CASKIN1: variants seen among roughly 807,000 people sequenced by gnomAD.
CASKIN1 encodes the protein caskin-1.
Under a neutral mutation model 117.5 loss-of-function variants are expected in CASKIN1, and 42 were observed. The observed-to-expected ratio is 0.36, with a 90% CI of 0.28 to 0.46. CASKIN1 has a LOEUF of 0.46. Among genes scored for constraint, CASKIN1 ranks in the 20% least tolerant of loss-of-function variants. CASKIN1 has a pLI of 1.00. For missense variants in CASKIN1, 2,083 were observed against 2,077.3 expected (o/e 1.00, Z -0.05); for synonymous variants, 1,148 against 961.7 (o/e 1.19, Z -3.59).
In CASKIN1 at chr16:2,181,560, G is replaced by A; in HGVS notation, c.1808C>T (p.Ala603Val). 1.3e-6 allele frequency: 2 copies of A among 1,584,068 alleles called. No individual in the cohort carries two copies. Among genetic ancestry groups the A allele is most frequent in the South Asian group, 1.1e-5 (1 of 87,926 alleles). The change falls in exon 18 of 20, where the codon GCA becomes GTA. Residue 603 changes from alanine (A) to valine (V), a missense_variant. Ala to Val is a moderately conservative substitution (Grantham distance 64). Around this residue, in one of 3 missense-constraint regions of CASKIN1, gnomAD observed 1,818 missense variants for 1,688.9 expected, o/e 1.08. Transcript: ENST00000343516. ...GGCGTATTCAGCCTTCTGCAGCTCT[G>A]CCAGCTTCCTCACAGCGAGCATCAG... Reference protein sequence around the residue: ...KKLMLAVRKLAELQKAEYAKY... With the variant: ...KKLMLAVRKLVELQKAEYAKY...
intron 14 of CASKIN1, among the ~76,000 whole-genome samples, chr16:2,184,256 C>G (rs1237173685): frequency 1.3e-5 from 2 of 152,078 alleles, no homozygotes; most frequent in African/African-American, 4.8e-5. Context: ...CAGGGACGCC[C>G]CACGCCATCT....
Position 2,180,991 on chromosome 16 carries a change from C to T in CASKIN1, c.2377G>A (p.Gly793Arg), listed in dbSNP as rs2093165870. The change falls in exon 18 of 20, where the codon GGA (glycine) becomes AGA (arginine). Residue 793 changes from glycine (G) to arginine (R), a missense_variant. Around this residue, in one of 3 missense-constraint regions of CASKIN1, gnomAD observed 1,818 missense variants for 1,688.9 expected, o/e 1.08. Coordinates refer to ENST00000343516, the MANE Select transcript of CASKIN1 (RefSeq NM_020764.4). Reference sequence around the variant, plus strand: ...GTAGCTGGGGCTGGACCATGAGGTCCCCCAAGGGCCTGGGGAGAGCCTGGT... The same window carrying T: ...GTAGCTGGGGCTGGACCATGAGGTCTCCCAAGGGCCTGGGGAGAGCCTGGT... ...TRPGSPQALG[G>R]PHGPAPATAK... is the part of the protein sequence containing the mutation. 1 of 1,474,432 alleles carries T rather than the reference C, an allele frequency of 6.8e-7. No individual in the cohort carries two copies. Among genetic ancestry groups the T allele is most frequent in the Admixed American group, 2.7e-5 (1 of 36,814 alleles). The allele number at this position is 1,474,432 out of a possible 1,614,324, so 91.3% of individuals were successfully genotyped here.
chr16:2,190,493 G>A (rs911160472), intron 1 of CASKIN1, 135 bp from the exon 2 acceptor site: 7 of 774,434 alleles, frequency 9.0e-6, no homozygotes, highest in African/African-American at 1.7e-5. Context: ...ACACTCACTC[G>A]TCCACTCGTG....
chr16:2,188,605 C>T (rs2093191732), intron 6 of CASKIN1, among the ~76,000 whole-genome samples: 1 of 152,202 alleles, frequency 6.6e-6, no homozygotes, highest in South Asian at 2.1e-4. Context: ...CCCTCCTTGG[C>T]CTCCCAAAGT....
intron 9 of CASKIN1, 57 bp from the exon 10 acceptor site, chr16:2,186,881 C>T: frequency 3.7e-6 from 6 of 1,602,996 alleles, no homozygotes; most frequent in Admixed American, 3.3e-5. Flanking sequence ...GAGTCTCCTG[C>T]CCAGTGCCCC....
intron 3 of CASKIN1, among the ~76,000 whole-genome samples, chr16:2,189,867 A>T (rs1345311515): frequency 6.6e-6 from 1 of 151,902 alleles, no homozygotes; most frequent in African/African-American, 2.4e-5. Flanking sequence ...CCCCAAGCCC[A>T]ACCCTGTGGG....
intron 13 of CASKIN1, 22 bp from the exon 14 acceptor site, chr16:2,184,890 G>T: frequency 3.2e-6 from 5 of 1,577,360 alleles, no homozygotes; most frequent in Non-Finnish European, 4.3e-6. Context: ...AGTGGGTGGG[G>T]GACAAGGGCT....
At position 2,187,063 on chromosome 16, in the gene CASKIN1, G is replaced by T. The variant is rs369517711; in HGVS notation, c.845C>A (p.Ala282Glu). ...CTTGGTCGCCCGGACCTGCAGGGCC[G>T]CTGAGGCCTCTGGGGATACAGGAGG... ...EIKQLLREASAALQVRATKDY... is the reference protein window; with the variant it reads ...EIKQLLREASEALQVRATKDY... Residue 282 changes from alanine (A) to glutamate (E), a missense_variant, in exon 9 of 20, where the codon GCG becomes GAG. Physicochemically the swap from Ala to Glu is moderately radical, Grantham distance 107. This residue lies in a region of CASKIN1 where 1,818 missense variants were observed against 1,688.9 expected (regional missense o/e 1.08). Coordinates refer to ENST00000343516, the MANE Select transcript of CASKIN1 (RefSeq NM_020764.4). 1.9e-6 allele frequency: 3 copies of T among 1,613,466 alleles called. No individual in the cohort carries two copies. Among genetic ancestry groups the T allele is most frequent in the Non-Finnish European group, 2.5e-6 (3 of 1,179,886 alleles).
Position 2,178,344 on chromosome 16 carries a change from G to T in CASKIN1, c.*206C>A, listed in dbSNP as rs1431579939. On this transcript the variant is annotated 3_prime_UTR_variant, in exon 20 of 20. Transcript: ENST00000343516. ...GGGGAGCAGCAGGTGGGGAGGACCC[G>T]CGGGCGCAGGGTCTGCCTAGAGCCC... 1 of 453,670 alleles carries T rather than the reference G, an allele frequency of 2.2e-6. No homozygotes were observed. Among genetic ancestry groups the T allele is most frequent in the Non-Finnish European group, 3.9e-6 (1 of 255,650 alleles). The allele number at this position is 453,670 out of a possible 1,614,324, so 28.1% of individuals were successfully genotyped here. A position where few individuals can be genotyped will look rare whatever the true frequency, so the allele number is the denominator to read the frequency against.
rs571194593 is a variant in CASKIN1 at position 2,193,949 on chromosome 16, C to A, written c.94+2390G>T. On this transcript the variant is annotated intron_variant, in intron 1 of 19. Coordinates refer to ENST00000343516, the MANE Select transcript of CASKIN1 (RefSeq NM_020764.4). ...ACGGGTTCTCTGGATGAAGCAGGAG[C>A]AGAGCATGGCTGGAGGGGGCCGGGG... 5.3e-5 allele frequency among the ~76,000 whole-genome samples: 8 copies of A among 152,296 alleles called. No homozygotes were observed. The East Asian group carries it at 1.4e-3, about 26-fold the overall frequency.
Position 2,181,523 on chromosome 16 carries a change from C to A in CASKIN1, c.1845G>T (p.Gly615=). Residue 615 remains glycine, a synonymous_variant, in exon 18 of 20, where the codon GGG becomes GGT. Coordinates refer to ENST00000343516, the MANE Select transcript of CASKIN1 (RefSeq NM_020764.4). The part of the protein sequence containing the change: ...LQKAEYAKYE[G]GPLRRKAPQS... ...GGGGCGCCTTCCGGCGCAGGGGGCC[C>A]CCCTCATACTTGGCGTATTCAGCCT... The A allele has an allele frequency of 6.2e-7, 1 of 1,605,988 alleles. No homozygotes were observed. Among genetic ancestry groups the A allele is most frequent in the East Asian group, 2.2e-5 (1 of 44,714 alleles).
intron 1 of CASKIN1, among the ~76,000 whole-genome samples, chr16:2,193,640 G>A (rs565314387): frequency 5.9e-5 from 9 of 152,334 alleles, no homozygotes; most frequent in African/African-American, 1.2e-4. Flanking sequence ...CTGAAATCTC[G>A]GAGAGGCTGG....
chr16:2,187,525 A>C, intron 6 of CASKIN1, 64 bp from the exon 7 acceptor site: 1 of 1,336,224 alleles, frequency 7.5e-7, no homozygotes, highest in South Asian at 1.2e-5. Flanking sequence ...AGCACCCCCA[A>C]GCCAGGCCTC....
chr16:2,180,380 AC>A lies in CASKIN1; in HGVS notation c.2987del (p.Gly996ValfsTer6). 6.3e-7 allele frequency: 1 copy of A among 1,588,134 alleles called. No homozygotes were observed. Among genetic ancestry groups the A allele is most frequent in the Non-Finnish European group, 8.5e-7 (1 of 1,174,360 alleles). ...CGATGCTCTTCACACTGCCGGCACT[AC>A]CCGTGTCCACGCTGCCGGCCAGGTC... is the stretch of plus-strand genomic sequence containing the variant. ...ASDLAGSVDTGSAGSVKSIAA... is the reference protein window; with the variant it reads ...ASDLAGSVDTXSAGSVKSIAA... On this transcript the variant is annotated frameshift_variant, in exon 18 of 20. Transcript: ENST00000343516. LOFTEE classifies it high-confidence loss of function.
At chr16:2,183,261 C>G (rs2093173639) in intron 16 of CASKIN1, among the ~76,000 whole-genome samples, 1 of 152,210 alleles carries the variant, frequency 6.6e-6, no homozygotes, top group Non-Finnish European at 1.5e-5. Flanking sequence ...TGGCACGTAC[C>G]TGGGTGCCTG....
intron 1 of CASKIN1, among the ~76,000 whole-genome samples, chr16:2,195,224 T>C (rs762187185): frequency 6.6e-6 from 1 of 152,140 alleles, no homozygotes; most frequent in Non-Finnish European, 1.5e-5. Flanking sequence ...AGCTAGCCAG[T>C]CATGGGCTGC....
chr16:2,189,140 G>A lies in CASKIN1; in HGVS notation c.504C>T (p.Leu168=), dbSNP rs368229690. The change falls in exon 6 of 20, where the codon CTC becomes CTT. Residue 168 remains leucine (L), a synonymous_variant. Transcript: ENST00000343516. ...GCAGCGCCGCACACATATTGCTGCT[G>A]AGGAGCAGCTGGACCACCTTGAAGG... ...FGRVGVVQLL[L]SSNMCAALLE... is the part of the protein sequence containing the mutation. 168 of 1,612,984 alleles carry A rather than the reference G, an allele frequency of 1.0e-4. No homozygotes were observed. Among genetic ancestry groups the A allele is most frequent in the Non-Finnish European group, 1.4e-4 (163 of 1,179,628 alleles).
At chr16:2,186,899 C>T (rs904416718) in intron 9 of CASKIN1, 75 bp from the exon 10 acceptor site, 15 of 1,599,512 alleles carry the variant, frequency 9.4e-6, no homozygotes, top group South Asian at 5.5e-5. Flanking sequence ...CCCCCAGTTG[C>T]GGCGGGAGGG....
At position 2,178,454 on chromosome 16, in the gene CASKIN1, G is replaced by C. The variant is rs1369856675; in HGVS notation, c.*96C>G. On this transcript the variant is annotated 3_prime_UTR_variant, in exon 20 of 20. Coordinates refer to ENST00000343516, the MANE Select transcript of CASKIN1 (RefSeq NM_020764.4). ...GTTGTGCTTCTGCAGGGCCCTGCCC[G>C]GCCGCTCGCGCCGCGCCCAGACGCG... 2 of 990,572 alleles carry C rather than the reference G, an allele frequency of 2.0e-6. No homozygotes were observed. Among genetic ancestry groups the C allele is most frequent in the Admixed American group, 3.6e-5 (1 of 27,710 alleles). The allele number at this position is 990,572 out of a possible 1,614,324, so 61.4% of individuals were successfully genotyped here.
Sources: allele counts gnomAD v4.1 joint callset (sites outside exome capture counted in the v4.1 genomes callset), GRCh38; gene constraint gnomAD v4.1.1; regional missense constraint gnomAD v4.1.1; transcripts MANE v1.5; gene names NCBI Gene and HGNC (gene_info 2026-07-23, HGNC 2026-07-21).